Variants in FMN2 observed in about 807,000 individuals in gnomAD.
FMN2 encodes formin-2.
FMN2 carries 51 observed loss-of-function variants against 142.3 expected under a neutral mutation model. That is an observed-to-expected ratio of 0.36 (90% confidence interval 0.29 to 0.45). The LOEUF is 0.45. Among genes scored for constraint, FMN2 ranks in the 20% least tolerant of loss-of-function variants. FMN2 has a pLI of 1.00. For synonymous variants in FMN2, 882 were observed against 869.8 expected (o/e 1.01, Z -0.25); for missense variants, 1,936 against 2,122.8 (o/e 0.91, Z 1.73).
chr1:240,095,060 T>A (rs1445367933), intron 1 of FMN2, among the ~76,000 whole-genome samples: 2 of 151,774 alleles, frequency 1.3e-5, no homozygotes, highest in African/African-American at 4.9e-5. Context: ...GTTTGTAGTT[T>A]TATACCCACT....
At chr1:240,114,281 T>C (rs1198555383) in intron 1 of FMN2, among the ~76,000 whole-genome samples, 1 of 152,200 alleles carries the variant, frequency 6.6e-6, no homozygotes, top group Admixed American at 6.5e-5. Context: ...TTGTTCAATA[T>C]TACCTGGTAA....
intron 15 of FMN2, among the ~76,000 whole-genome samples, chr1:240,435,064 T>C (rs745425900): frequency 6.6e-6 from 1 of 152,200 alleles, no homozygotes. Flanking sequence ...GGTTCACATT[T>C]GACTTTAAAT....
At chr1:240,225,192 C>T (rs992089839) in intron 6 of FMN2, among the ~76,000 whole-genome samples, 1 of 152,144 alleles carries the variant, frequency 6.6e-6, no homozygotes, top group African/African-American at 2.4e-5. Context: ...AGTCTGAAAG[C>T]TGTGTACATA....
intron 15 of FMN2, among the ~76,000 whole-genome samples, chr1:240,414,247 G>A (rs899682957): frequency 6.6e-6 from 1 of 152,184 alleles, no homozygotes; most frequent in Non-Finnish European, 1.5e-5. Context: ...AGGAGGGGCT[G>A]CAGGGCTTTG....
intron 7 of FMN2, among the ~76,000 whole-genome samples, chr1:240,286,428 G>T (rs754206911): frequency 2.4e-4 from 37 of 152,164 alleles, no homozygotes; most frequent in Non-Finnish European, 5.1e-4. Flanking sequence ...AGTGCTCCTT[G>T]TTTCTGATAT....
chr1:240,108,413 C>T (rs1016856981), intron 1 of FMN2, among the ~76,000 whole-genome samples: 1 of 151,888 alleles, frequency 6.6e-6, no homozygotes, highest in Admixed American at 6.6e-5. Flanking sequence ...AAGTATAAGC[C>T]GTTAGTATGT....
In FMN2 at chr1:240,275,963, C is replaced by T. The variant is rs947053461; in HGVS notation, c.4153+17931C>T. On this transcript the variant is annotated intron_variant, in intron 7 of 17. Coordinates refer to ENST00000319653, the MANE Select transcript of FMN2 (RefSeq NM_020066.5). ...GGGTATTCTTAAGTAGAAAGTATAG[C>T]CTGTTTGTTATCCATGCAAATGACC... Among the ~76,000 whole-genome samples the T allele has an allele frequency of 4.6e-5, 7 of 152,202 alleles. No individual in the cohort carries two copies. The South Asian group carries it at 1.2e-3, about 27-fold the overall frequency.
chr1:240,256,926 A>T (rs1466577154), intron 6 of FMN2, among the ~76,000 whole-genome samples: 2 of 152,300 alleles, frequency 1.3e-5, no homozygotes, highest in South Asian at 4.1e-4. Context: ...GTTGGGTATG[A>T]TTATTTTATT....
At position 240,241,867 on chromosome 1, in the gene FMN2, C is replaced by T. The variant is rs1343681277; in HGVS notation, c.4066-16078C>T. Among the ~76,000 whole-genome samples, 6 of 123,704 alleles carry T rather than the reference C, an allele frequency of 4.9e-5. No individual in the cohort carries two copies. The East Asian group carries it at 7.2e-4, about 15-fold the overall frequency. The allele number at this position is 123,704 out of a possible 152,430, so 81.2% of individuals were successfully genotyped here. A position where few individuals can be genotyped will look rare whatever the true frequency, so the allele number is the denominator to read the frequency against. ...TTTTTTTTTTTTTGAGACGGAGTCT[C>T]GCTCTGTCGCCCAGGCTGGATCTCG... On this transcript the variant is annotated intron_variant, in intron 6 of 17. Coordinates refer to ENST00000319653, the MANE Select transcript of FMN2 (RefSeq NM_020066.5).
intron 15 of FMN2, among the ~76,000 whole-genome samples, chr1:240,405,168 C>T (rs571263440): frequency 2.6e-5 from 4 of 152,156 alleles, no homozygotes; most frequent in East Asian, 3.9e-4. Flanking sequence ...GTGTGTTTGC[C>T]GGGGATTCTA....
intron 16 of FMN2, among the ~76,000 whole-genome samples, chr1:240,457,078 C>CT (rs34876697): frequency 0.75 from 113,123 of 151,594 alleles, 42,383 homozygotes; most frequent in Middle Eastern, 0.82. Context: ...TATGCCAGCA[C>CT]TGGTACTATG....
Position 240,092,198 on chromosome 1 carries a change from G to T in FMN2, c.89G>T (p.Arg30Met). The change falls in exon 1 of 18, where the codon AGG (arginine) becomes ATG (methionine). Residue 30 changes from arginine (R) to methionine (M), a missense_variant. Transcript: ENST00000319653. ...GGGAEDALGP[R>M]DVEATKKGSG... ...GGCGCCGAGGATGCGCTGGGGCCCA[G>T]GGATGTGGAAGCCACAAAGAAGGGG... The T allele has an allele frequency of 6.4e-7, 1 of 1,573,768 alleles. No individual in the cohort carries two copies. Among genetic ancestry groups the T allele is most frequent in the Non-Finnish European group, 8.6e-7 (1 of 1,159,746 alleles).
intron 15 of FMN2, among the ~76,000 whole-genome samples, chr1:240,399,574 C>A (rs916167822): frequency 6.6e-6 from 1 of 152,200 alleles, no homozygotes; most frequent in Non-Finnish European, 1.5e-5. Context: ...CAAGCTCCTA[C>A]GCTGAGGTTA....
chr1:240,466,502 T>C (rs1676623241), intron 16 of FMN2, among the ~76,000 whole-genome samples: 1 of 152,214 alleles, frequency 6.6e-6, no homozygotes, highest in South Asian at 2.1e-4. Flanking sequence ...CATATGGTCA[T>C]TTTTGCCCAA....
intron 1 of FMN2, among the ~76,000 whole-genome samples, chr1:240,122,426 G>A (rs2103217767): frequency 6.6e-6 from 1 of 152,174 alleles, no homozygotes; most frequent in African/African-American, 2.4e-5. Context: ...TGGGATTAAG[G>A]AGCCCGCCAC....
chr1:240,245,116 T>A, intron 6 of FMN2: 1 of 175,390 alleles, frequency 5.7e-6, no homozygotes, highest in Admixed American at 5.7e-5. Flanking sequence ...CCTGTAAGAG[T>A]TCTGTGGGAA....
intron 15 of FMN2, among the ~76,000 whole-genome samples, chr1:240,427,776 A>G (rs1675010894): frequency 6.6e-6 from 1 of 152,174 alleles, no homozygotes; most frequent in South Asian, 2.1e-4. Flanking sequence ...TAGATACTCG[A>G]TCAGCTTCAG....
intron 2 of FMN2, chr1:240,144,953 T>C (rs551170543): frequency 7.8e-7 from 1 of 1,274,488 alleles, no homozygotes; most frequent in Admixed American, 1.7e-5. Flanking sequence ...TAGCCGATAC[T>C]TGAGGCACTC....
chr1:240,222,816 T>C (rs1667168629), intron 6 of FMN2, among the ~76,000 whole-genome samples: 1 of 152,230 alleles, frequency 6.6e-6, no homozygotes, highest in African/African-American at 2.4e-5. Flanking sequence ...TGTATAGGAA[T>C]GTTTGTGATT....
Sources: allele counts gnomAD v4.1 joint callset (sites outside exome capture counted in the v4.1 genomes callset), GRCh38; gene constraint gnomAD v4.1.1; transcripts MANE v1.5; gene names NCBI Gene and HGNC (gene_info 2026-07-23, HGNC 2026-07-21).